Variants in SESN1 observed in about 807,000 individuals in gnomAD.
The protein encoded by SESN1 is sestrin 1.
A neutral mutation model predicts 59.3 loss-of-function variants in SESN1; 30 were observed. That is an observed-to-expected ratio of 0.51 (90% CI 0.38 to 0.69). SESN1 has a LOEUF of 0.69. SESN1 is among the 30% of genes least tolerant of loss of function. SESN1 has a pLI of 0.00. For synonymous variants in SESN1, 197 were observed against 219.9 expected (o/e 0.90, Z 0.92); for missense variants, 566 against 673.0 (o/e 0.84, Z 1.76).
At chr6:109,072,749 G>A (rs1780959185) in intron 1 of SESN1, among the ~76,000 whole-genome samples, 1 of 152,016 alleles carries the variant, frequency 6.6e-6, no homozygotes, top group Non-Finnish European at 1.5e-5. Flanking sequence ...ATTATTGCAT[G>A]GCTAATTCAA....
At position 109,094,203 on chromosome 6, in the gene SESN1, G is replaced by C. The variant is rs1044383627; in HGVS notation, c.-130C>G. On this transcript the variant is annotated 5_prime_UTR_variant, in exon 1 of 10. Coordinates refer to ENST00000436639, the MANE Select transcript of SESN1 (RefSeq NM_014454.3). ...CAAATCGTCATGAAAACACACATCT[G>C]GGTGACATTTGGAACCACTGGTGCC... 3 of 1,053,904 alleles carry C rather than the reference G, an allele frequency of 2.8e-6. No homozygotes were observed. Among genetic ancestry groups the C allele is most frequent in the Non-Finnish European group, 4.1e-6 (3 of 737,548 alleles). 65.3% of individuals were successfully genotyped at this position (1,053,904 alleles called of 1,614,324 possible).
At chr6:109,044,520 TTAATATA>T (rs1780392554) in intron 1 of SESN1, among the ~76,000 whole-genome samples, 1 of 151,838 alleles carries the variant, frequency 6.6e-6, no homozygotes, top group East Asian at 1.9e-4. Flanking sequence ...AGACCTAAAT[TTAATATA>T]TAAGACTAAA....
At chr6:109,029,586 G>A (rs1198850655) in intron 1 of SESN1, among the ~76,000 whole-genome samples, 3 of 152,098 alleles carry the variant, frequency 2.0e-5, no homozygotes, top group Non-Finnish European at 4.4e-5. Flanking sequence ...ACCCAGGCTG[G>A]AGTGCAGTGG....
At chr6:109,035,681 G>A (rs1780238659) in intron 1 of SESN1, among the ~76,000 whole-genome samples, 1 of 152,128 alleles carries the variant, frequency 6.6e-6, no homozygotes, top group African/African-American at 2.4e-5. Flanking sequence ...ATGCACTGCT[G>A]CCTCAAATTC....
At chr6:109,009,466 C>A in intron 1 of SESN1, 1 of 1,279,720 alleles carries the variant, frequency 7.8e-7, no homozygotes. Context: ...CGCATGTCGG[C>A]GCGGGGACGG....
chr6:109,002,595 GAA>G (rs1164199981), intron 1 of SESN1, among the ~76,000 whole-genome samples: 1 of 152,166 alleles, frequency 6.6e-6, no homozygotes, highest in Non-Finnish European at 1.5e-5. Flanking sequence ...GTACTTGGCA[GAA>G]AGTCTAGAAC....
chr6:109,030,502 T>C (rs991024743), intron 1 of SESN1, among the ~76,000 whole-genome samples: 2 of 152,228 alleles, frequency 1.3e-5, no homozygotes, highest in African/African-American at 4.8e-5. Flanking sequence ...CAAAATATTC[T>C]ATTCTTAGCT....
chr6:109,090,107 A>G (rs990028641), intron 1 of SESN1, among the ~76,000 whole-genome samples: 3 of 152,178 alleles, frequency 2.0e-5, no homozygotes, highest in African/African-American at 7.2e-5. Flanking sequence ...CATTTCTTTT[A>G]TGCTAGGCAC....
chr6:108,988,484 G>A, intron 9 of SESN1, 59 bp downstream of exon 9: 2 of 1,464,148 alleles, frequency 1.4e-6, no homozygotes, highest in South Asian at 2.7e-5. Context: ...TAGGTTAGGT[G>A]AAGGAGACTA....
intron 1 of SESN1, among the ~76,000 whole-genome samples, chr6:109,074,243 T>A (rs1409446464): frequency 6.6e-6 from 1 of 152,210 alleles, no homozygotes; most frequent in Non-Finnish European, 1.5e-5. Flanking sequence ...AACAATGCAT[T>A]TCTCAGAATA....
Position 109,000,567 on chromosome 6 carries a change from TGAG to T in SESN1, c.650_652del (p.Pro217del), listed in dbSNP as rs1474965188. On this transcript the variant is annotated inframe_deletion, in exon 4 of 10. Transcript: ENST00000436639. The stretch of plus-strand genomic sequence containing the variant: ...AAGTTCTCCTAAATTCTGTAGTTTT[TGAG>T]GAGCATTCTCTAAACCATTGAGCCA... The T allele has an allele frequency of 1.9e-6, 3 of 1,612,354 alleles. No individual in the cohort carries two copies. The highest frequency in any genetic ancestry group is 2.5e-6 in the Non-Finnish European group (3 of 1,178,992).
At chr6:109,056,700 G>C (rs1049808517) in intron 1 of SESN1, among the ~76,000 whole-genome samples, 1 of 152,144 alleles carries the variant, frequency 6.6e-6, no homozygotes, top group Non-Finnish European at 1.5e-5. Context: ...TGCTAGCACT[G>C]TCTCTTTCCT....
intron 5 of SESN1, among the ~76,000 whole-genome samples, chr6:108,994,819 C>T (rs1048563575): frequency 4.0e-5 from 6 of 151,302 alleles, no homozygotes; most frequent in Non-Finnish European, 5.9e-5. Flanking sequence ...TCTCCTGCCT[C>T]GGCCTCCCGA....
At chr6:108,998,066 G>A (rs1163700401) in intron 5 of SESN1, among the ~76,000 whole-genome samples, 1 of 152,158 alleles carries the variant, frequency 6.6e-6, no homozygotes, top group African/African-American at 2.4e-5. Context: ...CTAGATCAAA[G>A]TTGATTAAAT....
chr6:109,041,488 G>A (rs532836317), intron 1 of SESN1, among the ~76,000 whole-genome samples: 9 of 151,968 alleles, frequency 5.9e-5, no homozygotes, highest in East Asian at 5.8e-4. Flanking sequence ...ATGAAAAAGC[G>A]GTAGAAGTTA....
At position 109,084,425 on chromosome 6, in the gene SESN1, G is replaced by A. The variant is rs191197833; in HGVS notation, c.279+9370C>T. On this transcript the variant is annotated intron_variant, in intron 1 of 9. Transcript: ENST00000436639. ...AAAATATAGCCGGGCATCGTGGCGG[G>A]AGCCTGTATTCCCAGCCACTTGGGA... 1.9e-4 allele frequency among the ~76,000 whole-genome samples: 29 copies of A among 152,202 alleles called. No individual in the cohort carries two copies. The East Asian group carries it at 5.4e-3, about 28-fold the overall frequency.
chr6:109,066,600 A>C (rs1780829825), intron 1 of SESN1, among the ~76,000 whole-genome samples: 1 of 152,218 alleles, frequency 6.6e-6, no homozygotes, highest in Admixed American at 6.5e-5. Context: ...GATGAAACTA[A>C]ACAAGTCAAC....
chr6:109,044,167 T>A (rs1583284398), intron 1 of SESN1, among the ~76,000 whole-genome samples: 1 of 150,938 alleles, frequency 6.6e-6, no homozygotes, highest in East Asian at 1.9e-4. Context: ...AAAAAAAAAT[T>A]ATCCAGGCAT....
intron 1 of SESN1, among the ~76,000 whole-genome samples, chr6:109,010,378 A>G (rs1321592315): frequency 1.3e-5 from 2 of 152,182 alleles, no homozygotes; most frequent in Non-Finnish European, 2.9e-5. Context: ...AAAGAAACAA[A>G]TTCCTAAATT....
Sources: allele counts gnomAD v4.1 joint callset (sites outside exome capture counted in the v4.1 genomes callset), GRCh38; gene constraint gnomAD v4.1.1; transcripts MANE v1.5; gene names NCBI Gene and HGNC (gene_info 2026-07-23, HGNC 2026-07-21).